The following STIM1 variants were observed in gnomAD, a reference collection of about 807,000 sequenced individuals.
STIM1 encodes stromal interaction molecule 1.
STIM1 carries 25 observed loss-of-function variants against 74.7 expected under a neutral mutation model. The observed-to-expected ratio is 0.33, with a 90% CI of 0.24 to 0.47. The LOEUF is 0.47. STIM1 is among the 20% of genes least tolerant of loss of function. The pLI, the probability that STIM1 is intolerant of heterozygous loss-of-function variation, is 1.00. For synonymous variants in STIM1, 328 were observed against 348.8 expected (o/e 0.94, Z 0.66); for missense variants, 728 against 920.8 (o/e 0.79, Z 2.71).
chr11:4,087,451 T>C (rs1278356303), intron 12 of STIM1, among the ~76,000 whole-genome samples: 1 of 152,140 alleles, frequency 6.6e-6, no homozygotes, highest in Non-Finnish European at 1.5e-5. Context: ...AAACACTGTA[T>C]GCAGAGACAT....
chr11:3,891,536 C>T (rs1011588077), intron 1 of STIM1, among the ~76,000 whole-genome samples: 1 of 152,160 alleles, frequency 6.6e-6, no homozygotes, highest in African/African-American at 2.4e-5. Context: ...CTTCTCACCT[C>T]AGCCACCCAA....
intron 2 of STIM1, among the ~76,000 whole-genome samples, chr11:3,991,429 C>G (rs2093610451): frequency 6.6e-6 from 1 of 151,748 alleles, no homozygotes; most frequent in African/African-American, 2.4e-5. Context: ...CCTTGGCCTC[C>G]CAAAGTGCTG....
chr11:3,937,858 A>G (rs987285820), intron 1 of STIM1, among the ~76,000 whole-genome samples: 4 of 151,966 alleles, frequency 2.6e-5, no homozygotes, highest in African/African-American at 7.3e-5. Flanking sequence ...TCCCTTCAGC[A>G]TGAGCTCTTA....
intron 3 of STIM1, among the ~76,000 whole-genome samples, chr11:4,033,709 C>T (rs1268432921): frequency 6.6e-6 from 1 of 151,908 alleles, no homozygotes; most frequent in Non-Finnish European, 1.5e-5. Flanking sequence ...CATTCTCCCG[C>T]CTCAGCCTCC....
intron 1 of STIM1, among the ~76,000 whole-genome samples, chr11:3,924,353 C>T (rs1000309889): frequency 6.6e-6 from 1 of 151,414 alleles, no homozygotes; most frequent in Non-Finnish European, 1.5e-5. Context: ...CGCCCACCAC[C>T]ACGCCCGGCT....
At chr11:4,045,077 G>C (rs553035228) in intron 3 of STIM1, among the ~76,000 whole-genome samples, 70 of 152,200 alleles carry the variant, frequency 4.6e-4, no homozygotes, top group African/African-American at 1.6e-3. Context: ...TGCTGATAGA[G>C]GAGTTTCTGC....
intron 1 of STIM1, chr11:3,947,335 G>C (rs954776187): frequency 5.3e-5 from 8 of 152,164 alleles, no homozygotes; most frequent in African/African-American, 1.9e-4. Flanking sequence ...GTAGACCAAA[G>C]TGAGCACCAA....
Position 3,911,572 on chromosome 11 carries a change from A to G in STIM1, c.139+55163A>G, listed in dbSNP as rs1430148040. Reference sequence around the variant, plus strand: ...GCTAACTTTAAAATTTTTTTTGTAGAGACGGGGTCTCCTTCTGTTGCTCAA... The same window carrying G: ...GCTAACTTTAAAATTTTTTTTGTAGGGACGGGGTCTCCTTCTGTTGCTCAA... On this transcript the variant is annotated intron_variant, in intron 1 of 12. Coordinates refer to ENST00000526596, the MANE Select transcript of STIM1 (RefSeq NM_001382567.1). Among the ~76,000 whole-genome samples the G allele has an allele frequency of 4.6e-5, 7 of 152,126 alleles. No homozygotes were observed. In the East Asian group the frequency reaches 7.7e-4, roughly 17 times the overall value.
chr11:3,999,407 T>G (rs1433933440), intron 2 of STIM1, among the ~76,000 whole-genome samples: 1 of 152,182 alleles, frequency 6.6e-6, no homozygotes, highest in Non-Finnish European at 1.5e-5. Flanking sequence ...GTAAGGTGTC[T>G]GGTAGGGAGG....
chr11:3,996,951 G>A (rs1262014532), intron 2 of STIM1, among the ~76,000 whole-genome samples: 1 of 152,142 alleles, frequency 6.6e-6, no homozygotes, highest in Non-Finnish European at 1.5e-5. Flanking sequence ...TTCCTCTGGG[G>A]AAATATTTTC....
rs1216875964 is a variant in STIM1, at chr11:3,895,606, C to CTCTCTTTCTCTTTCTTTCTTTCTTTCTT, written c.139+39206_139+39207insCTTTCTTTCTTTCTTTCTTTCTCTTTCT. 2.0e-3 allele frequency among the ~76,000 whole-genome samples: 134 copies of CTCTCTTTCTCTTTCTTTCTTTCTTTCTT among 66,506 alleles called. 15 individuals are homozygous for CTCTCTTTCTCTTTCTTTCTTTCTTTCTT. The highest frequency in any genetic ancestry group is 8.1e-3 in the African/African-American group (132 of 16,198). 43.6% of individuals were successfully genotyped at this position (66,506 alleles called of 152,430 possible). The stretch of plus-strand genomic sequence containing the variant: ...TCCGGGAATAGTGTTCTTTCTTTCT[C>CTCTCTTTCTCTTTCTTTCTTTCTTTCTT]TCTCTTTCTTTCTTTCTTTCTTTCT... On this transcript the variant is annotated intron_variant, in intron 1 of 12. Coordinates refer to ENST00000526596, the MANE Select transcript of STIM1 (RefSeq NM_001382567.1).
At chr11:4,008,433 C>A (rs1249786799) in intron 2 of STIM1, among the ~76,000 whole-genome samples, 1 of 152,124 alleles carries the variant, frequency 6.6e-6, no homozygotes, top group Non-Finnish European at 1.5e-5. Flanking sequence ...GTTCCTATGG[C>A]ATATTTCTGG....
intron 1 of STIM1, among the ~76,000 whole-genome samples, chr11:3,929,262 G>A (rs1590574659): frequency 6.6e-6 from 1 of 152,214 alleles, no homozygotes; most frequent in Non-Finnish European, 1.5e-5. Context: ...GTTAAAGCAG[G>A]TGAACTTCTG....
At chr11:4,082,788 G>T in intron 8 of STIM1, 94 bp from the exon 9 acceptor site, 1 of 971,880 alleles carries the variant, frequency 1.0e-6, no homozygotes, top group East Asian at 2.4e-5. Context: ...AGTTGTGCTA[G>T]GAGGAGTGGG....
At chr11:4,012,212 T>C (rs887839916) in intron 2 of STIM1, among the ~76,000 whole-genome samples, 3 of 151,990 alleles carry the variant, frequency 2.0e-5, no homozygotes, top group African/African-American at 7.2e-5. Flanking sequence ...TGCGGACTCT[T>C]TTTTGGTTCC....
intron 1 of STIM1, among the ~76,000 whole-genome samples, chr11:3,923,087 G>A (rs1488514093): frequency 5.0e-5 from 7 of 139,380 alleles, no homozygotes; most frequent in Admixed American, 2.9e-4. Context: ...GAGACAGAGC[G>A]AGACTCCGTC....
intron 1 of STIM1, among the ~76,000 whole-genome samples, chr11:3,942,639 C>G (rs1565123177): frequency 6.6e-6 from 1 of 152,082 alleles, no homozygotes; most frequent in South Asian, 2.1e-4. Context: ...ACTGTGGTTT[C>G]GTATGGGTTG....
chr11:3,973,227 A>G, intron 2 of STIM1: 1 of 467,412 alleles, frequency 2.1e-6, no homozygotes, highest in Non-Finnish European at 4.2e-6. Flanking sequence ...CACCACAACC[A>G]CTGAAGTTTC....
At chr11:4,023,788 T>C in intron 2 of STIM1, 85 bp from the exon 3 acceptor site, 1 of 919,802 alleles carries the variant, frequency 1.1e-6, no homozygotes, top group Non-Finnish European at 1.8e-6. Context: ...GTGTTATGGC[T>C]AGCTAGAGGC....
Sources: allele counts gnomAD v4.1 joint callset (sites outside exome capture counted in the v4.1 genomes callset), GRCh38; gene constraint gnomAD v4.1.1; transcripts MANE v1.5; gene names NCBI Gene and HGNC (gene_info 2026-07-23, HGNC 2026-07-21).